FIBCD1: variants seen among roughly 807,000 people sequenced by gnomAD.
FIBCD1 encodes the protein fibrinogen C domain-containing protein 1.
Under a neutral mutation model 45.1 loss-of-function variants are expected in FIBCD1, and 47 were observed. The observed-to-expected ratio is 1.04, with a 90% CI of 0.82 to 1.33. The LOEUF (loss-of-function observed/expected upper bound fraction) is 1.33, where lower values mean the gene tolerates loss of function less well. FIBCD1 is among the 40% of genes most tolerant of loss of function. The pLI, the probability that FIBCD1 is intolerant of heterozygous loss-of-function variation, is 0.00. For missense variants in FIBCD1, 653 were observed against 682.2 expected (o/e 0.96, Z 0.48); for synonymous variants, 313 against 308.1 (o/e 1.02, Z -0.17).
At chr9:130,910,239 C>T (rs1564333561) in intron 5 of FIBCD1, among the ~76,000 whole-genome samples, 1 of 152,004 alleles carries the variant, frequency 6.6e-6, no homozygotes, top group African/African-American at 2.4e-5. Context: ...CCGCTGGCCC[C>T]GGGGCAATGA....
At chr9:130,923,908 C>T (rs1564338797) in intron 3 of FIBCD1, 28 bp from the exon 4 acceptor site, 2 of 1,611,372 alleles carry the variant, frequency 1.2e-6, no homozygotes, top group Non-Finnish European at 1.7e-6. Context: ...GTCAGGGTGG[C>T]TGCGGCCCCA....
At chr9:130,905,739 A>C (rs375239353) in intron 5 of FIBCD1, among the ~76,000 whole-genome samples, 18 of 152,318 alleles carry the variant, frequency 1.2e-4, no homozygotes, top group Admixed American at 3.9e-4. Context: ...CCCAGACTCC[A>C]GCCAGAGCCA....
rs557117699 is a variant in FIBCD1, at chr9:130,926,637, T to C, written c.553-2241A>G. Among the ~76,000 whole-genome samples the C allele has an allele frequency of 6.6e-6, 1 of 152,030 alleles. No homozygotes were observed. Among genetic ancestry groups the C allele is most frequent in the South Asian group, 2.1e-4 (1 of 4,824 alleles). ...GAGTTTGAGACCAGCCTGGCCAACA[T>C]GGTGAAACTCTGTGTCTACTAAAAA... On this transcript the variant is annotated intron_variant, in intron 2 of 6. Coordinates refer to ENST00000372338, the MANE Select transcript of FIBCD1 (RefSeq NM_032843.5). This position sits in a 1 kb window ranked among gnomAD's most constrained non-coding sequence, Gnocchi z 4.1.
intron 4 of FIBCD1, among the ~76,000 whole-genome samples, chr9:130,914,878 G>A (rs1027703954): frequency 2.0e-5 from 3 of 152,320 alleles, no homozygotes; most frequent in Middle Eastern, 6.8e-3. Context: ...ACTCAGCTCG[G>A]GGGCTGCGTG....
intron 1 of FIBCD1, among the ~76,000 whole-genome samples, chr9:130,933,448 G>A (rs984334321): frequency 2.6e-5 from 4 of 152,134 alleles, no homozygotes; most frequent in Admixed American, 2.0e-4. Flanking sequence ...GAGAGAGACC[G>A]GGGCCTGAGC....
intron 1 of FIBCD1, chr9:130,930,866 G>C (rs554656405): frequency 5.7e-5 from 26 of 453,800 alleles, no homozygotes; most frequent in Non-Finnish European, 9.8e-5. Context: ...TGATGCAACA[G>C]CAGCGATGCT....
chr9:130,919,303 A>C (rs1355046414), intron 4 of FIBCD1, among the ~76,000 whole-genome samples: 1 of 152,140 alleles, frequency 6.6e-6, no homozygotes, highest in Non-Finnish European at 1.5e-5. Context: ...TGCTCTGAGG[A>C]CCATTCCCCA....
intron 4 of FIBCD1, among the ~76,000 whole-genome samples, chr9:130,912,097 G>A (rs1212067726): frequency 6.6e-6 from 1 of 152,014 alleles, no homozygotes; most frequent in Non-Finnish European, 1.5e-5. Context: ...GGTGGCTCGA[G>A]GTGGGATTAA....
rs997062408 is a variant in FIBCD1, at chr9:130,906,738, C to T, written c.947-1325G>A. ...GGTGGGAGGTAATCATGACAACAGC[C>T]GCCACCTGGACGGCACTCGCAAGGG... On this transcript the variant is annotated intron_variant, in intron 5 of 6. Transcript: ENST00000372338. Among the ~76,000 whole-genome samples the T allele has an allele frequency of 3.9e-5, 6 of 152,218 alleles. No individual in the cohort carries two copies. The East Asian group carries it at 9.6e-4, about 24-fold the overall frequency.
At chr9:130,905,175 C>T (rs1831903474) in intron 6 of FIBCD1, 59 bp downstream of exon 6, 10 of 1,516,826 alleles carry the variant, frequency 6.6e-6, no homozygotes, top group East Asian at 4.6e-5. Context: ...GGACCTCCTC[C>T]GTCCTCCATC....
chr9:130,932,888 C>T (rs958212777), intron 1 of FIBCD1, among the ~76,000 whole-genome samples: 10 of 152,216 alleles, frequency 6.6e-5, no homozygotes, highest in African/African-American at 1.9e-4. Flanking sequence ...TGGAGCCCGT[C>T]GGGAGACACC....
At position 130,912,356 on chromosome 9, in the gene FIBCD1, T is replaced by C. The variant is rs557951876; in HGVS notation, c.850-468A>G. 1.9e-3 allele frequency among the ~76,000 whole-genome samples: 256 copies of C among 135,708 alleles called. 3 individuals carry two copies. Among genetic ancestry groups the C allele is most frequent in the African/African-American group, 7.0e-3 (240 of 34,456 alleles). 89.0% of individuals were successfully genotyped at this position (135,708 alleles called of 152,430 possible). On this transcript the variant is annotated intron_variant, in intron 4 of 6. Coordinates refer to ENST00000372338, the MANE Select transcript of FIBCD1 (RefSeq NM_032843.5). Reference sequence around the variant, plus strand: ...GGGAGGTTAAAGCTGCAGTGAGCTATGATCGTGCCACTGTACTCCAGCCTG... The same window carrying C: ...GGGAGGTTAAAGCTGCAGTGAGCTACGATCGTGCCACTGTACTCCAGCCTG...
At chr9:130,930,912 C>G in intron 1 of FIBCD1, 1 of 438,882 alleles carries the variant, frequency 2.3e-6, no homozygotes, top group Non-Finnish European at 4.7e-6. Context: ...GAACGAGTGC[C>G]CTGGGGTAGC....
chr9:130,923,995 GCA>G, intron 3 of FIBCD1, 115 bp from the exon 4 acceptor site: 7 of 1,509,840 alleles, frequency 4.6e-6, no homozygotes, highest in Non-Finnish European at 6.3e-6. Flanking sequence ...GGTTGAGAGA[GCA>G]CTGGCCTTGG....
chr9:130,924,169 C>G, intron 3 of FIBCD1, 68 bp downstream of exon 3: 1 of 1,471,936 alleles, frequency 6.8e-7, no homozygotes, highest in Non-Finnish European at 9.0e-7. Context: ...GAACCCTCAC[C>G]CCAACTTCCC....
At chr9:130,939,551 C>G (rs1195074679), upstream of FIBCD1, among the ~76,000 whole-genome samples, 2 of 151,960 alleles carry the variant, frequency 1.3e-5, no homozygotes, top group African/African-American at 4.8e-5. Context: ...AAAGCCCACA[C>G]GACGCCCCCT....
chr9:130,914,220 C>T (rs1832116579), intron 4 of FIBCD1, among the ~76,000 whole-genome samples: 1 of 152,208 alleles, frequency 6.6e-6, no homozygotes, highest in African/African-American at 2.4e-5. Context: ...CCTCCACCCT[C>T]CCCCAGCCCT....
chr9:130,905,530 C>T, intron 5 of FIBCD1, 117 bp from the exon 6 acceptor site: 2 of 1,053,916 alleles, frequency 1.9e-6, no homozygotes, highest in African/African-American at 1.6e-5. Flanking sequence ...GGACAACCAC[C>T]AAGTGCGTGC....
intron 5 of FIBCD1, among the ~76,000 whole-genome samples, chr9:130,910,971 C>G (rs866051888): frequency 5.3e-5 from 8 of 152,192 alleles, no homozygotes; most frequent in African/African-American, 1.9e-4. Context: ...TGTAAACGCA[C>G]CAATCAGCCC....
Sources: gnomAD v4.1 joint callset for allele counts (sites outside exome capture counted in the v4.1 genomes callset) on GRCh38, gnomAD v4.1.1 for gene constraint, Gnocchi (gnomAD v3.1) non-coding constraint, MANE v1.5 for transcripts, NCBI Gene and HGNC (gene_info 2026-07-23, HGNC 2026-07-21) for gene names.